MKLN1: variants seen among roughly 807,000 people sequenced by gnomAD.
MKLN1 encodes the protein muskelin 1.
Under a neutral mutation model 99.0 loss-of-function variants are expected in MKLN1, and 18 were observed. The ratio of observed to expected loss-of-function variants is 0.18; its 90% confidence interval spans 0.13 to 0.27. The LOEUF (loss-of-function observed/expected upper bound fraction) is 0.27. MKLN1 is among the 10% of genes least tolerant of loss of function. The pLI, the probability that MKLN1 is intolerant of heterozygous loss-of-function variation, is 1.00. For synonymous variants in MKLN1, 288 were observed against 293.2 expected (o/e 0.98, Z 0.18); for missense variants, 621 against 875.9 (o/e 0.71, Z 3.67).
chr7:131,258,946 G>T (rs1797695098), intron 3 of MKLN1, among the ~76,000 whole-genome samples: 1 of 152,084 alleles, frequency 6.6e-6, no homozygotes, highest in South Asian at 2.1e-4. Flanking sequence ...AAATGCAACT[G>T]TCTGGCCTTT....
intron 3 of MKLN1, among the ~76,000 whole-genome samples, chr7:131,216,441 A>T (rs572506716): frequency 7.6e-4 from 115 of 152,046 alleles, no homozygotes; most frequent in Non-Finnish European, 1.4e-3. Context: ...AAAAAAAGAA[A>T]AAAAAGAAAG....
chr7:131,446,806 A>C (rs539446061), intron 12 of MKLN1, among the ~76,000 whole-genome samples: 1 of 152,360 alleles, frequency 6.6e-6, no homozygotes, highest in East Asian at 1.9e-4. Flanking sequence ...GCACAGTCGC[A>C]TATGCCTGTA....
intron 17 of MKLN1, among the ~76,000 whole-genome samples, chr7:131,483,392 G>A (rs193121699): frequency 5.9e-5 from 9 of 152,210 alleles, no homozygotes; most frequent in African/African-American, 1.9e-4. Context: ...AGACATAGAT[G>A]CAGTTGGTTC....
chr7:131,162,017 C>T (rs201605621), intron 2 of MKLN1, among the ~76,000 whole-genome samples: 3 of 30,116 alleles, frequency 1.0e-4, no homozygotes, highest in Admixed American at 5.9e-4. Context: ...GAGTGATATA[C>T]AAATATATAT....
At chr7:131,271,346 C>A (rs73153440) in intron 3 of MKLN1, among the ~76,000 whole-genome samples, 4 of 152,010 alleles carry the variant, frequency 2.6e-5, no homozygotes, top group Admixed American at 2.6e-4. Flanking sequence ...AGGCCTGGCA[C>A]GGTGGCTCAT....
At chr7:131,306,002 T>C (rs1359155783) in intron 3 of MKLN1, among the ~76,000 whole-genome samples, 1 of 152,170 alleles carries the variant, frequency 6.6e-6, no homozygotes, top group Admixed American at 6.5e-5. Flanking sequence ...AACTGGATCA[T>C]GAGGGTGGAT....
At chr7:131,242,039 T>C (rs1797411566) in intron 3 of MKLN1, among the ~76,000 whole-genome samples, 1 of 152,316 alleles carries the variant, frequency 6.6e-6, no homozygotes, top group East Asian at 1.9e-4. Context: ...CATTGAGCAT[T>C]CTGAATTGTT....
At chr7:131,316,121 G>C (rs148820540) in intron 3 of MKLN1, among the ~76,000 whole-genome samples, 1,949 of 152,306 alleles carry the variant, frequency 0.013, 50 homozygotes, top group African/African-American at 0.044. Context: ...TGACCCCCAT[G>C]CCTCCTGACT....
At chr7:131,476,611 A>G (rs1417789229) in intron 16 of MKLN1, among the ~76,000 whole-genome samples, 1 of 152,204 alleles carries the variant, frequency 6.6e-6, no homozygotes, top group Non-Finnish European at 1.5e-5. Flanking sequence ...ATAAATGGAG[A>G]GATATATTTA....
chr7:131,233,791 T>A (rs1287614303), intron 3 of MKLN1, among the ~76,000 whole-genome samples: 2 of 151,984 alleles, frequency 1.3e-5, no homozygotes, highest in Non-Finnish European at 2.9e-5. Context: ...ACATCAAATA[T>A]CCTTTAGCTT....
intron 2 of MKLN1, among the ~76,000 whole-genome samples, chr7:131,185,587 T>A (rs988769877): frequency 9.2e-5 from 14 of 151,444 alleles, no homozygotes; most frequent in East Asian, 2.0e-4. Flanking sequence ...CAAAAAAAAA[T>A]AAAAAATAAA....
rs1479024191 is a variant in MKLN1, at chr7:131,493,714, T to C, written c.*5986T>C. ...AGCCATAAAACATTTCAACATGCAG[T>C]TTGGGGGCTCCCTTGCTTATTCACT... On this transcript the variant is annotated 3_prime_UTR_variant, in exon 18 of 18. Coordinates refer to ENST00000352689, the MANE Select transcript of MKLN1 (RefSeq NM_013255.5). 2.0e-5 allele frequency: 3 copies of C among 152,168 alleles called. No individual in the cohort carries two copies. Among genetic ancestry groups the C allele is most frequent in the African/African-American group, 4.8e-5 (2 of 41,426 alleles). 9.4% of individuals were successfully genotyped at this position (152,168 alleles called of 1,614,324 possible). A position where few individuals can be genotyped will look rare whatever the true frequency, so the allele number is the denominator to read the frequency against.
rs139029398 is a variant in MKLN1 at position 131,364,773 on chromosome 7, C to T, written c.99-10651C>T. The stretch of plus-strand genomic sequence containing the variant: ...GTCTCCAGATGCATCCATGTTCCCA[C>T]AAAAGAAATGATCTCGTTTTTTTTA... On this transcript the variant is annotated intron_variant, in intron 1 of 17. Transcript: ENST00000352689. 7.7e-3 allele frequency among the ~76,000 whole-genome samples: 1,169 copies of T among 152,148 alleles called. 18 individuals carry two copies. The highest frequency in any genetic ancestry group is 0.027 in the African/African-American group (1,106 of 41,502).
chr7:131,472,613 TG>T, intron 16 of MKLN1, among the ~76,000 whole-genome samples: 1 of 152,028 alleles, frequency 6.6e-6, no homozygotes, highest in South Asian at 2.1e-4. Flanking sequence ...TGTGTGTGTG[TG>T]TGTGTGTGTG....
intron 2 of MKLN1, among the ~76,000 whole-genome samples, chr7:131,173,266 T>C (rs1025708104): frequency 2.6e-5 from 4 of 151,980 alleles, no homozygotes; most frequent in Non-Finnish European, 5.9e-5. Flanking sequence ...TTAAATCTAA[T>C]AAGGGAAAAA....
At chr7:131,252,714 C>T (rs1243883826) in intron 3 of MKLN1, among the ~76,000 whole-genome samples, 1 of 152,092 alleles carries the variant, frequency 6.6e-6, no homozygotes, top group Non-Finnish European at 1.5e-5. Flanking sequence ...ACCAAGAAAA[C>T]TAGAGAAAGA....
intron 14 of MKLN1, among the ~76,000 whole-genome samples, chr7:131,465,599 C>T (rs1032995700): frequency 4.6e-5 from 7 of 151,734 alleles, no homozygotes; most frequent in African/African-American, 1.5e-4. Context: ...AGTACAGTGG[C>T]GCAATCTCTG....
Position 131,479,905 on chromosome 7 carries a change from TC to T in MKLN1, c.2086+1231del, listed in dbSNP as rs369821196. Among the ~76,000 whole-genome samples the T allele has an allele frequency of 6.1e-3, 911 of 148,506 alleles. 4 individuals carry two copies. Among genetic ancestry groups the T allele is most frequent in the Middle Eastern group, 0.011 (3 of 274 alleles). On this transcript the variant is annotated intron_variant, in intron 17 of 17. Coordinates refer to ENST00000352689, the MANE Select transcript of MKLN1 (RefSeq NM_013255.5). Reference sequence around the variant, plus strand: ...CGGGCACGGTGGCTCACGCCTGTAATCCCAACTACTCGGGAGGCTGAGGCAG... The same window carrying T: ...CGGGCACGGTGGCTCACGCCTGTAATCCAACTACTCGGGAGGCTGAGGCAG...
intron 1 of MKLN1, among the ~76,000 whole-genome samples, chr7:131,115,013 C>A (rs773980566): frequency 6.6e-6 from 1 of 151,456 alleles, no homozygotes; most frequent in Non-Finnish European, 1.5e-5. Flanking sequence ...TTGTTGTGTT[C>A]GGCAAGAAGG....
Sources: allele counts gnomAD v4.1 joint callset (sites outside exome capture counted in the v4.1 genomes callset), GRCh38; gene constraint gnomAD v4.1.1; transcripts MANE v1.5; gene names NCBI Gene and HGNC (gene_info 2026-07-23, HGNC 2026-07-21).